TSC22D1: variants seen among roughly 807,000 people sequenced by gnomAD.
TSC22D1 encodes TSC22 domain family protein 1.
A neutral mutation model predicts 74.2 loss-of-function variants in TSC22D1; 9 were observed. The observed-to-expected ratio is 0.12, with a 90% confidence interval of 0.07 to 0.21. The LOEUF is 0.21. Ranked by LOEUF, TSC22D1 falls within the 10% of genes least tolerant of loss-of-function variation. The probability of loss-of-function intolerance (pLI) is 1.00; values close to 1 mark genes in which losing one functional copy is unlikely to be tolerated. For synonymous variants in TSC22D1, 586 were observed against 492.5 expected (o/e 1.19, Z -2.51); for missense variants, 1,427 against 1,304.7 (o/e 1.09, Z -1.44).
In TSC22D1 at chr13:44,449,244, C is replaced by T. The variant is rs149019145; in HGVS notation, c.2913-13149G>A. 3.8e-3 allele frequency among the ~76,000 whole-genome samples: 582 copies of T among 152,326 alleles called. 5 individuals are homozygous for T. Among genetic ancestry groups the T allele is most frequent in the African/African-American group, 0.013 (536 of 41,566 alleles). On this transcript the variant is annotated intron_variant, in intron 1 of 2. Coordinates refer to ENST00000458659, the MANE Select transcript of TSC22D1 (RefSeq NM_183422.4). ...GAGGTCTACAGTTTGAGAAGGTGCT[C>T]TCCAGGCACTGGGACAAGGTCCCGA...
At chr13:44,543,335 G>T (rs974072444) in intron 1 of TSC22D1, among the ~76,000 whole-genome samples, 3 of 152,154 alleles carry the variant, frequency 2.0e-5, no homozygotes, top group Non-Finnish European at 2.9e-5. Context: ...GAAATAGAAG[G>T]CACTATGTTT....
intron 1 of TSC22D1, among the ~76,000 whole-genome samples, chr13:44,496,485 C>T (rs1878984123): frequency 6.6e-6 from 1 of 152,070 alleles, no homozygotes; most frequent in Non-Finnish European, 1.5e-5. Flanking sequence ...GAGTTCGAGA[C>T]CAGCCTGGCC....
chr13:44,568,481 C>T (rs578008203), intron 1 of TSC22D1, among the ~76,000 whole-genome samples: 6 of 152,022 alleles, frequency 3.9e-5, no homozygotes, highest in South Asian at 2.1e-4. Flanking sequence ...ACAAGCCACA[C>T]GGAAAAAGAA....
intron 1 of TSC22D1, among the ~76,000 whole-genome samples, chr13:44,499,868 C>T (rs1418151321): frequency 5.3e-5 from 8 of 152,032 alleles, no homozygotes; most frequent in Non-Finnish European, 1.2e-4. Context: ...AGGCGGGTCA[C>T]CTGAAGTCAG....
In TSC22D1 at chr13:44,559,127, C is replaced by T. The variant is rs144601389; in HGVS notation, c.2912+14036G>A. 2.6e-3 allele frequency among the ~76,000 whole-genome samples: 399 copies of T among 152,240 alleles called. 2 individuals carry two copies. The highest frequency in any genetic ancestry group is 8.9e-3 in the African/African-American group (370 of 41,546). ...AGTAAAATGAACCATCAACCAAAGACAAGACTTGGCTCCATGTTTGACTCT... is the reference window on the plus strand; with the variant it reads ...AGTAAAATGAACCATCAACCAAAGATAAGACTTGGCTCCATGTTTGACTCT... On this transcript the variant is annotated intron_variant, in intron 1 of 2. Transcript: ENST00000458659.
Position 44,574,582 on chromosome 13 carries a change from T to C in TSC22D1, c.1493A>G (p.Gln498Arg). The C allele has an allele frequency of 6.2e-7, 1 of 1,614,054 alleles. No individual in the cohort carries two copies. The highest frequency in any genetic ancestry group is 8.5e-7 in the Non-Finnish European group (1 of 1,180,020). ...TTGTTGTTGTTGTTGCTGCTGCTGCTGCTGCACCACCACAGTAGGGGCTCC... is the reference window on the plus strand; with the variant it reads ...TTGTTGTTGTTGTTGCTGCTGCTGCCGCTGCACCACCACAGTAGGGGCTCC... ...EMGAPTVVVQ[Q>R]QQQQQQQQQQ... The change falls in exon 1 of 3, where the codon CAG becomes CGG. Residue 498 changes from glutamine to arginine, a missense_variant. Physicochemically the swap from Gln to Arg is conservative, Grantham distance 43. This residue lies in a region of TSC22D1 where 1,343 missense variants were observed against 1,191.5 expected (regional missense o/e 1.13). Coordinates refer to ENST00000458659, the MANE Select transcript of TSC22D1 (RefSeq NM_183422.4).
intron 1 of TSC22D1, among the ~76,000 whole-genome samples, chr13:44,520,663 A>G (rs1049167844): frequency 1.3e-5 from 2 of 152,208 alleles, no homozygotes; most frequent in African/African-American, 4.8e-5. Context: ...AGCAGAGGTG[A>G]TAAGATATAG....
intron 1 of TSC22D1, among the ~76,000 whole-genome samples, chr13:44,567,269 G>A (rs113753673): frequency 1.4e-3 from 214 of 152,234 alleles, no homozygotes; most frequent in African/African-American, 4.8e-3. Context: ...CAGCTAGGAG[G>A]ATATACAAGA....
intron 1 of TSC22D1, among the ~76,000 whole-genome samples, chr13:44,469,689 T>A (rs919821431): frequency 1.3e-5 from 2 of 152,148 alleles, no homozygotes; most frequent in African/African-American, 4.8e-5. Flanking sequence ...AAACACATAG[T>A]ACCATGCCAA....
chr13:44,538,525 A>G (rs1451418630), intron 1 of TSC22D1: 3 of 985,294 alleles, frequency 3.0e-6, no homozygotes, highest in Admixed American at 6.2e-5. Context: ...GTTTTAAATG[A>G]AACAGATACA....
At chr13:44,455,291 G>C (rs1283811827) in intron 1 of TSC22D1, among the ~76,000 whole-genome samples, 1 of 152,188 alleles carries the variant, frequency 6.6e-6, no homozygotes, top group South Asian at 2.1e-4. Context: ...ACAGCAAGGG[G>C]AAATGCTGTA....
At position 44,511,564 on chromosome 13, in the gene TSC22D1, T is replaced by C. The variant is rs150502793; in HGVS notation, c.2912+61599A>G. 5.3e-4 allele frequency among the ~76,000 whole-genome samples: 80 copies of C among 151,984 alleles called. 3 individuals are homozygous for C. In the East Asian group the frequency reaches 0.015, roughly 28 times the overall value. On this transcript the variant is annotated intron_variant, in intron 1 of 2. Transcript: ENST00000458659. ...ATTGACATATAGTAATTGTTCAATA[T>C]GACAATCCAAAAACACCTATCCATC...
intron 1 of TSC22D1, among the ~76,000 whole-genome samples, chr13:44,473,103 A>G (rs1877701328): frequency 6.6e-6 from 1 of 152,194 alleles, no homozygotes; most frequent in Non-Finnish European, 1.5e-5. Context: ...TACATCTTTT[A>G]TTCAAACTGA....
intron 1 of TSC22D1, among the ~76,000 whole-genome samples, chr13:44,517,541 G>A (rs1412618340): frequency 6.6e-6 from 1 of 151,674 alleles, no homozygotes; most frequent in East Asian, 1.9e-4. Flanking sequence ...ATCAAAACCT[G>A]AGCATTTTGA....
At chr13:44,564,255 A>C (rs1369037570) in intron 1 of TSC22D1, among the ~76,000 whole-genome samples, 1 of 152,016 alleles carries the variant, frequency 6.6e-6, no homozygotes, top group Non-Finnish European at 1.5e-5. Context: ...ATAGGCATTG[A>C]AATAGGCTTT....
At chr13:44,537,925 A>T (rs143575363) in intron 1 of TSC22D1, 327 of 985,216 alleles carry the variant, frequency 3.3e-4, no homozygotes, top group South Asian at 1.9e-3. Flanking sequence ...TAAAATGTAT[A>T]CCAAATTTAA....
At chr13:44,549,635 CACACCTGTAGT>C (rs1197896343) in intron 1 of TSC22D1, among the ~76,000 whole-genome samples, 1 of 151,764 alleles carries the variant, frequency 6.6e-6, no homozygotes, top group Non-Finnish European at 1.5e-5. Context: ...CATGGTTGCG[CACACCTGTAGT>C]CCCAGCTACT....
intron 1 of TSC22D1, among the ~76,000 whole-genome samples, chr13:44,531,395 T>C (rs1221070683): frequency 2.0e-5 from 3 of 152,220 alleles, no homozygotes; most frequent in African/African-American, 7.2e-5. Context: ...CAGATCTGCC[T>C]TGGAATGCCA....
intron 1 of TSC22D1, among the ~76,000 whole-genome samples, chr13:44,559,770 A>C (rs979492343): frequency 6.6e-6 from 1 of 150,872 alleles, no homozygotes; most frequent in African/African-American, 2.4e-5. Flanking sequence ...AGCTCACTGC[A>C]ACCTCTGCCT....
Sources: allele counts gnomAD v4.1 joint callset (sites outside exome capture counted in the v4.1 genomes callset), GRCh38; gene constraint gnomAD v4.1.1; regional missense constraint gnomAD v4.1.1; transcripts MANE v1.5; gene names NCBI Gene and HGNC (gene_info 2026-07-23, HGNC 2026-07-21).